The following SLC25A48 variants were observed in gnomAD, a reference collection of about 807,000 sequenced individuals.
The protein encoded by SLC25A48 is CTC-321K16.1.
SLC25A48 carries 29 observed loss-of-function variants against 32.2 expected under a neutral mutation model. The observed-to-expected ratio is 0.90, with a 90% CI of 0.67 to 1.23. SLC25A48 has a LOEUF of 1.23. Among genes scored for constraint, SLC25A48 ranks in the 50% most tolerant of loss-of-function variants. SLC25A48 has a pLI of 0.00. For missense variants in SLC25A48, 399 were observed against 422.7 expected, an observed-to-expected ratio of 0.94 and a Z score of 0.49; for synonymous variants, 164 against 172.3, an observed-to-expected ratio of 0.95 and a Z score of 0.38.
intron 3 of SLC25A48, among the ~76,000 whole-genome samples, chr5:135,685,488 A>G (rs765918279): frequency 6.9e-6 from 1 of 145,644 alleles, no homozygotes; most frequent in Non-Finnish European, 1.5e-5. Flanking sequence ...GCTGTAGTGC[A>G]ATGGTGCAAT....
chr5:135,880,458 G>C (rs1368849323), intron 7 of SLC25A48, among the ~76,000 whole-genome samples: 1 of 152,092 alleles, frequency 6.6e-6, no homozygotes, highest in Non-Finnish European at 1.5e-5. Context: ...TGCAACCAGG[G>C]TACCTGCAGG....
intron 3 of SLC25A48, among the ~76,000 whole-genome samples, chr5:135,785,210 G>A (rs1756805391): frequency 6.6e-6 from 1 of 152,112 alleles, no homozygotes; most frequent in African/African-American, 2.4e-5. Context: ...TACACTGTGT[G>A]TTCACCCCCC....
intron 3 of SLC25A48, among the ~76,000 whole-genome samples, chr5:135,724,807 G>A (rs1755049813): frequency 6.6e-6 from 1 of 152,218 alleles, no homozygotes; most frequent in African/African-American, 2.4e-5. Context: ...TCTGCCCTTG[G>A]AACAGGCTGG....
At chr5:135,813,951 A>T (rs970393904) in intron 4 of SLC25A48, among the ~76,000 whole-genome samples, 1 of 152,156 alleles carries the variant, frequency 6.6e-6, no homozygotes, top group African/African-American at 2.4e-5. Flanking sequence ...AATCCCCGAG[A>T]AAGAAAAGCA....
At chr5:135,866,005 T>G (rs1393353257) in intron 4 of SLC25A48, among the ~76,000 whole-genome samples, 3 of 152,240 alleles carry the variant, frequency 2.0e-5, no homozygotes, top group African/African-American at 7.2e-5. Flanking sequence ...CAATGCATAA[T>G]GCTCATGGAT....
intron 4 of SLC25A48, among the ~76,000 whole-genome samples, chr5:135,860,304 A>AT (rs1422477298): frequency 6.6e-6 from 1 of 152,098 alleles, no homozygotes; most frequent in East Asian, 1.9e-4. Context: ...TCTATGTTTC[A>AT]TTTTTCCTCT....
At chr5:135,781,958 A>G (rs534151252) in intron 3 of SLC25A48, among the ~76,000 whole-genome samples, 1 of 115,070 alleles carries the variant, frequency 8.7e-6, no homozygotes, top group African/African-American at 2.6e-5. Flanking sequence ...AATACTCCCA[A>G]TATCACAGGG....
chr5:135,590,286 T>A (rs1192432729), intron 1 of SLC25A48, among the ~76,000 whole-genome samples: 1 of 152,172 alleles, frequency 6.6e-6, no homozygotes, highest in East Asian at 1.9e-4. Context: ...CCCATCAATG[T>A]GCAGAGGAAC....
chr5:135,742,846 C>G (rs1338831844), intron 3 of SLC25A48, among the ~76,000 whole-genome samples: 1 of 151,952 alleles, frequency 6.6e-6, no homozygotes, highest in African/African-American at 2.4e-5. Flanking sequence ...TAGGGACTGT[C>G]TGAAGCTTTC....
chr5:135,883,493 GA>G (rs1762612428), intron 7 of SLC25A48: 1 of 984,826 alleles, frequency 1.0e-6, no homozygotes, highest in Non-Finnish European at 1.2e-6. Flanking sequence ...TAGCTTCCAA[GA>G]GGCACCTGGC....
At chr5:135,706,481 C>A (rs1351331749) in intron 3 of SLC25A48, among the ~76,000 whole-genome samples, 1 of 151,984 alleles carries the variant, frequency 6.6e-6, no homozygotes, top group African/African-American at 2.4e-5. Flanking sequence ...GGATAAGATG[C>A]ACTTAGTACA....
chr5:135,830,493 C>G (rs939983537), upstream of SLC25A48, among the ~76,000 whole-genome samples: 1 of 152,226 alleles, frequency 6.6e-6, no homozygotes, highest in Non-Finnish European at 1.5e-5. Flanking sequence ...GCTGCTTCAC[C>G]CCCTCACTTC....
chr5:135,688,906 C>T (rs1754080513), intron 3 of SLC25A48, among the ~76,000 whole-genome samples: 1 of 152,176 alleles, frequency 6.6e-6, no homozygotes, highest in South Asian at 2.1e-4. Context: ...ATAATAATAG[C>T]TATCATTCTT....
intron 3 of SLC25A48, among the ~76,000 whole-genome samples, chr5:135,751,895 G>T (rs1028697399): frequency 6.6e-6 from 1 of 152,082 alleles, no homozygotes; most frequent in African/African-American, 2.4e-5. Flanking sequence ...TTCAATGAAG[G>T]TTCAAGGTTA....
At chr5:135,778,572 A>G (rs942165005) in intron 3 of SLC25A48, among the ~76,000 whole-genome samples, 1 of 151,116 alleles carries the variant, frequency 6.6e-6, no homozygotes, top group African/African-American at 2.4e-5. Flanking sequence ...TTAGAAGGAG[A>G]CAGGATAATA....
intron 3 of SLC25A48, among the ~76,000 whole-genome samples, chr5:135,658,444 C>A (rs1753306271): frequency 6.6e-6 from 1 of 152,218 alleles, no homozygotes; most frequent in African/African-American, 2.4e-5. Context: ...GGGTATAGCC[C>A]TCTCAACTGC....
At chr5:135,843,296 T>A (rs541588131) in intron 2 of SLC25A48, among the ~76,000 whole-genome samples, 10 of 152,138 alleles carry the variant, frequency 6.6e-5, no homozygotes, top group Non-Finnish European at 1.5e-4. Flanking sequence ...TGAAATGGTA[T>A]AATCTTCCCA....
chr5:135,655,158 G>T (rs887057487), intron 3 of SLC25A48, among the ~76,000 whole-genome samples: 2 of 152,176 alleles, frequency 1.3e-5, no homozygotes, highest in African/African-American at 4.8e-5. Context: ...AATGAAAATT[G>T]AGGGGGAGTG....
intron 4 of SLC25A48, among the ~76,000 whole-genome samples, chr5:135,861,295 A>G (rs1249890630): frequency 6.8e-6 from 1 of 148,054 alleles, no homozygotes; most frequent in Non-Finnish European, 1.5e-5. Context: ...GATGTGCACT[A>G]GTCCATCAAA....
Sources: allele counts gnomAD v4.1 joint callset (sites outside exome capture counted in the v4.1 genomes callset), GRCh38; gene constraint gnomAD v4.1.1; transcripts MANE v1.5; gene names NCBI Gene and HGNC (gene_info 2026-07-23, HGNC 2026-07-21).